The following CD2 variants were observed in gnomAD, a reference collection of about 807,000 sequenced individuals.
CD2 encodes the protein T-cell surface antigen CD2.
In CD2, 18 loss-of-function variants were observed where a neutral mutation model predicts 23.2. The ratio of observed to expected loss-of-function variants is 0.77; its 90% CI spans 0.54 to 1.15. The LOEUF (loss-of-function observed/expected upper bound fraction) is 1.15. CD2 is among the 50% of genes most tolerant of loss of function. CD2 has a pLI of 0.00. For missense variants in CD2, 424 were observed against 423.1 expected, an observed-to-expected ratio of 1.00 and a Z score of -0.02; for synonymous variants, 162 against 151.9, an observed-to-expected ratio of 1.07 and a Z score of -0.49.
chr1:116,764,451 C>T (rs1652151492), intron 3 of CD2, 33 bp from the exon 4 acceptor site: 1 of 1,610,080 alleles, frequency 6.2e-7, no homozygotes, highest in African/African-American at 1.3e-5. Context: ...GCCTGGACCC[C>T]TCCCAGCCAT....
chr1:116,768,656 A>T lies in CD2; in HGVS notation c.929A>T (p.Lys310Met). Residue 310 changes from lysine (K) to methionine (M), a missense_variant, in exon 5 of 5, where the codon AAG becomes ATG. Coordinates refer to ENST00000369478, the MANE Select transcript of CD2 (RefSeq NM_001767.5). ...CACCGTGTTCAGCACCAGCCTCAGA[A>T]GAGGCCTCCTGCTCCGTCGGGCACA... The part of the protein sequence containing the change: ...PGHRVQHQPQ[K>M]RPPAPSGTQV... The T allele has an allele frequency of 1.9e-6, 3 of 1,614,094 alleles. No homozygotes were observed. The highest frequency in any genetic ancestry group is 3.3e-4 in the Middle Eastern group (2 of 6,062).
Position 116,760,613 on chromosome 1 carries a change from C to A in CD2, c.594C>A (p.Val198=), listed in dbSNP as rs148196626. 83 of 1,614,138 alleles carry A rather than the reference C, an allele frequency of 5.1e-5. No homozygotes were observed. Among genetic ancestry groups the A allele is most frequent in the East Asian group, 2.5e-4 (11 of 44,876 alleles). Residue 198 remains valine (V), a synonymous_variant, in exon 3 of 5, where the codon GTC becomes GTA. Coordinates refer to ENST00000369478, the MANE Select transcript of CD2 (RefSeq NM_001767.5). ...ACAAAGTCAGCAAGGAATCCAGTGT[C>A]GAGCCTGTCAGCTGTCCAGGTGCGT... ...AGNKVSKESS[V]EPVSCPEKGL...
In CD2 at chr1:116,768,841, G is replaced by A. The variant is rs1384126141; in HGVS notation, c.*58G>A. On this transcript the variant is annotated 3_prime_UTR_variant, in exon 5 of 5. Coordinates refer to ENST00000369478, the MANE Select transcript of CD2 (RefSeq NM_001767.5). Reference sequence around the variant, plus strand: ...CACTGTGGATTTCTGCCCTCCTGATGTGCATATCCGTACTTCCATGAGGTG... The same window carrying A: ...CACTGTGGATTTCTGCCCTCCTGATATGCATATCCGTACTTCCATGAGGTG... 3 of 1,482,702 alleles carry A rather than the reference G, an allele frequency of 2.0e-6. No homozygotes were observed. The highest frequency in any genetic ancestry group is 2.8e-5 in the African/African-American group (2 of 71,386). The allele number at this position is 1,482,702 out of a possible 1,614,324, so 91.8% of individuals were successfully genotyped here. A position where few individuals can be genotyped will look rare whatever the true frequency, so the allele number is the denominator to read the frequency against.
Position 116,768,715 on chromosome 1 carries a change from A to C in CD2, c.988A>C (p.Arg330=), listed in dbSNP as rs1652298984. 2.5e-6 allele frequency: 4 copies of C among 1,614,090 alleles called. No homozygotes were observed. Among genetic ancestry groups the C allele is most frequent in the South Asian group, 1.1e-5 (1 of 91,078 alleles). ...VHQQKGPPLP[R]PRVQPKPPHG... is the part of the protein sequence containing the mutation. ...CCAGCAGAAAGGCCCGCCCCTCCCC[A>C]GACCTCGAGTTCAGCCAAAACCTCC... Residue 330 remains arginine (R), a synonymous_variant, in exon 5 of 5, where the codon AGA becomes CGA. Coordinates refer to ENST00000369478, the MANE Select transcript of CD2 (RefSeq NM_001767.5).
At chr1:116,764,665 C>A in intron 4 of CD2, 59 bp downstream of exon 4, 2 of 1,267,732 alleles carry the variant, frequency 1.6e-6, no homozygotes, top group South Asian at 2.4e-5. Context: ...TGAAACAGCT[C>A]ATGGGGATGA....
At chr1:116,756,319 C>T (rs906122522) in intron 2 of CD2, among the ~76,000 whole-genome samples, 12 of 152,168 alleles carry the variant, frequency 7.9e-5, no homozygotes, top group Non-Finnish European at 1.0e-4. Context: ...GGGGACCATG[C>T]TGGTGTTTTC....
At chr1:116,765,897 T>G (rs1242983205) in intron 4 of CD2, among the ~76,000 whole-genome samples, 1 of 152,284 alleles carries the variant, frequency 6.6e-6, no homozygotes, top group Non-Finnish European at 1.5e-5. Context: ...TTATGTCTAT[T>G]AGTGCATCCA....
intron 1 of CD2, 24 bp from the exon 2 acceptor site, chr1:116,754,607 C>T: frequency 6.2e-7 from 1 of 1,607,952 alleles, no homozygotes. Context: ...AAGTGACTCT[C>T]AGTAACTCTT....
At chr1:116,766,598 G>A (rs1206605701) in intron 4 of CD2, among the ~76,000 whole-genome samples, 2 of 152,106 alleles carry the variant, frequency 1.3e-5, no homozygotes, top group South Asian at 2.1e-4. Context: ...GCTCATATCT[G>A]TAATCTCAGC....
chr1:116,762,444 C>A (rs542185385), intron 3 of CD2, among the ~76,000 whole-genome samples: 248 of 152,086 alleles, frequency 1.6e-3, no homozygotes, highest in Non-Finnish European at 1.1e-3. Flanking sequence ...AAGCTCATTG[C>A]GAGAAGGACC....
chr1:116,760,223 AT>A (rs1227306033), intron 2 of CD2, among the ~76,000 whole-genome samples, 178 bp from the exon 3 acceptor site: 5 of 152,180 alleles, frequency 3.3e-5, no homozygotes, highest in Non-Finnish European at 5.9e-5. Flanking sequence ...ATCAGAAATA[AT>A]TTTTTTCTGA....
At chr1:116,755,388 G>A (rs1651808339) in intron 2 of CD2, among the ~76,000 whole-genome samples, 1 of 152,214 alleles carries the variant, frequency 6.6e-6, no homozygotes, top group African/African-American at 2.4e-5. Flanking sequence ...CCTGAAGGAG[G>A]AGTTATATGG....
At position 116,754,969 on chromosome 1, in the gene CD2, T is replaced by C. The variant is rs376765946; in HGVS notation, c.382+18T>C. On this transcript the variant is annotated intron_variant, in intron 2 of 4. Coordinates refer to ENST00000369478, the MANE Select transcript of CD2 (RefSeq NM_001767.5). ...GATTCAAGGTAAGTGTTCATTCCCT[T>C]AATTGCTTTATTTCAGTGTGGGTGC... The C allele has an allele frequency of 1.2e-4, 189 of 1,527,726 alleles. No individual in the cohort carries two copies. The highest frequency in any genetic ancestry group is 1.6e-4 in the Non-Finnish European group (182 of 1,116,794). The allele number at this position is 1,527,726 out of a possible 1,614,324, so 94.6% of individuals were successfully genotyped here.
intron 3 of CD2, among the ~76,000 whole-genome samples, chr1:116,761,366 T>G (rs1652048592): frequency 6.6e-6 from 1 of 152,190 alleles, no homozygotes; most frequent in Non-Finnish European, 1.5e-5. Flanking sequence ...ACAGAGTTTC[T>G]TCCCCTCTCT....
Position 116,754,722 on chromosome 1 carries a change from T to C in CD2, c.153T>C (p.Ser51=), listed in dbSNP as rs746982566. Residue 51 remains serine (S), a synonymous_variant, in exon 2 of 5, where the codon AGT becomes AGC. Coordinates refer to ENST00000369478, the MANE Select transcript of CD2 (RefSeq NM_001767.5). ...INLDIPSFQM[S]DDIDDIKWEK... ...TGGACATTCCTAGTTTTCAAATGAGTGATGATATTGACGATATAAAATGGG... is the reference window on the plus strand; with the variant it reads ...TGGACATTCCTAGTTTTCAAATGAGCGATGATATTGACGATATAAAATGGG... 1 of 1,613,020 alleles carries C rather than the reference T, an allele frequency of 6.2e-7. No individual in the cohort carries two copies. Among genetic ancestry groups the C allele is most frequent in the Admixed American group, 1.7e-5 (1 of 59,882 alleles).
At position 116,757,770 on chromosome 1, in the gene CD2, G is replaced by A. The variant is rs191388204; in HGVS notation, c.383-2632G>A. On this transcript the variant is annotated intron_variant, in intron 2 of 4. Transcript: ENST00000369478. ...ATATATATAGAGAGAGAGAGAGAGA[G>A]AGAGAGGCAGACAGAAAGAGACAGG... Among the ~76,000 whole-genome samples the A allele has an allele frequency of 8.9e-3, 1,341 of 151,396 alleles. 15 individuals carry two copies. The highest frequency in any genetic ancestry group is 0.03 in the African/African-American group (1,259 of 41,318).
rs750062218 is a variant in CD2, at chr1:116,764,465, A to G, written c.614-19A>G. 1 of 1,612,600 alleles carries G rather than the reference A, an allele frequency of 6.2e-7. No individual in the cohort carries two copies. Among genetic ancestry groups the G allele is most frequent in the East Asian group, 2.2e-5 (1 of 44,856 alleles). Reference sequence around the variant, plus strand: ...TGCCTGGACCCCTCCCAGCCATCCCACTTCTCTTCCTTTTGCAGAGAAAGG... The same window carrying G: ...TGCCTGGACCCCTCCCAGCCATCCCGCTTCTCTTCCTTTTGCAGAGAAAGG... On this transcript the variant is annotated intron_variant, in intron 3 of 4. Coordinates refer to ENST00000369478, the MANE Select transcript of CD2 (RefSeq NM_001767.5).
chr1:116,765,300 C>T (rs1652181592), intron 4 of CD2, among the ~76,000 whole-genome samples: 1 of 152,176 alleles, frequency 6.6e-6, no homozygotes, highest in Non-Finnish European at 1.5e-5. Context: ...ATTGGCGGGA[C>T]TTGCAGCCAA....
At chr1:116,760,682 G>T in intron 3 of CD2, 50 bp downstream of exon 3, 7 of 1,414,492 alleles carry the variant, frequency 4.9e-6, no homozygotes, top group Non-Finnish European at 7.0e-6. Context: ...GCCCTCAGTA[G>T]GCAGAGGCAT....
Sources: allele counts gnomAD v4.1 joint callset (sites outside exome capture counted in the v4.1 genomes callset), GRCh38; gene constraint gnomAD v4.1.1; transcripts MANE v1.5; gene names NCBI Gene and HGNC (gene_info 2026-07-23, HGNC 2026-07-21).